The following CTDSPL variants were observed in gnomAD, a reference collection of about 807,000 sequenced individuals.
The protein encoded by CTDSPL is CTD small phosphatase like.
CTDSPL carries 8 observed loss-of-function variants against 30.5 expected under a neutral mutation model. That is an observed-to-expected ratio of 0.26 (90% confidence interval 0.15 to 0.47). The LOEUF is 0.47. Among genes scored for constraint, CTDSPL ranks in the 20% least tolerant of loss-of-function variants. The pLI is 0.99. For synonymous variants in CTDSPL, 110 were observed against 137.9 expected, an observed-to-expected ratio of 0.80 and a Z score of 1.42; for missense variants, 248 against 366.1, an observed-to-expected ratio of 0.68 and a Z score of 2.63.
chr3:37,971,546 C>A, intron 6 of CTDSPL, 47 bp downstream of exon 6: 1 of 1,512,314 alleles, frequency 6.6e-7, no homozygotes. Context: ...GTACTCCCAG[C>A]CCCTCCACCC....
chr3:37,927,101 A>G (rs1698789429), intron 1 of CTDSPL, among the ~76,000 whole-genome samples: 1 of 152,200 alleles, frequency 6.6e-6, no homozygotes, highest in Non-Finnish European at 1.5e-5. Flanking sequence ...GAATGCTGAT[A>G]TGAAGCCACA....
chr3:37,921,927 C>T (rs35367747), intron 1 of CTDSPL, among the ~76,000 whole-genome samples: 2,069 of 152,260 alleles, frequency 0.014, 13 homozygotes, highest in Non-Finnish European at 0.022. Flanking sequence ...ATAACTGGGA[C>T]AGCCCCCAAA....
chr3:37,864,065 C>T (rs1377910445), intron 1 of CTDSPL, among the ~76,000 whole-genome samples: 1 of 152,108 alleles, frequency 6.6e-6, no homozygotes. Flanking sequence ...TGTGTGCCCT[C>T]AGGGAGCGTT....
intron 1 of CTDSPL, among the ~76,000 whole-genome samples, chr3:37,932,677 G>C (rs1698868046): frequency 6.6e-6 from 1 of 152,232 alleles, no homozygotes; most frequent in Admixed American, 6.5e-5. Context: ...CTTGGCATCA[G>C]TGCTTCTATT....
intron 1 of CTDSPL, among the ~76,000 whole-genome samples, chr3:37,872,570 A>ATT (rs1559621242): frequency 1.3e-4 from 7 of 54,258 alleles, no homozygotes; most frequent in Non-Finnish European, 2.2e-4. Flanking sequence ...AAATTCTTTT[A>ATT]TCTTTTTTTT....
At chr3:37,969,512 C>G (rs764409426) in intron 5 of CTDSPL, 2 of 454,432 alleles carry the variant, frequency 4.4e-6, no homozygotes, top group Admixed American at 5.0e-5. Flanking sequence ...GGCTCAGGAC[C>G]CCCCTCTCTG....
chr3:37,960,868 T>C (rs1433340741), intron 3 of CTDSPL, among the ~76,000 whole-genome samples: 4 of 152,202 alleles, frequency 2.6e-5, no homozygotes, highest in Non-Finnish European at 5.9e-5. Context: ...TTTTTTATGC[T>C]GTGTTGCTTG....
chr3:37,911,140 C>G (rs1237175074), intron 1 of CTDSPL, among the ~76,000 whole-genome samples: 1 of 152,210 alleles, frequency 6.6e-6, no homozygotes, highest in Admixed American at 6.5e-5. Context: ...TTGCTTCCTT[C>G]AAAACAGTTC....
chr3:37,927,636 A>ATGTGTGTGTGTG (rs71094932), intron 1 of CTDSPL, among the ~76,000 whole-genome samples: 44 of 115,778 alleles, frequency 3.8e-4, no homozygotes, highest in South Asian at 1.1e-3. Context: ...AGAAAAATAT[A>ATGTGTGTGTGTG]TGTGTGTGTG....
chr3:37,921,337 C>T (rs529132546), intron 1 of CTDSPL, among the ~76,000 whole-genome samples: 9 of 152,298 alleles, frequency 5.9e-5, no homozygotes, highest in East Asian at 1.9e-4. Context: ...TTCACAGCAG[C>T]GGCCCCTGTC....
chr3:37,968,186 T>C, intron 5 of CTDSPL: 1 of 461,876 alleles, frequency 2.2e-6, no homozygotes, highest in South Asian at 1.8e-5. Flanking sequence ...ATTAACTTCC[T>C]TGTGTAATTG....
At position 37,862,349 on chromosome 3, in the gene CTDSPL, G is replaced by A; in HGVS notation, c.79+71G>A. ...CCCGCGCCGCTGGAGTTCACTGCCG[G>A]GCGCCGGCATGGGCCTGGGGGAGGG... On this transcript the variant is annotated intron_variant, in intron 1 of 7. Coordinates refer to ENST00000273179, the MANE Select transcript of CTDSPL (RefSeq NM_001008392.2). The surrounding 1 kb of genome is among the most constrained non-coding windows in gnomAD (Gnocchi z 4.3). 7.5e-7 allele frequency: 1 copy of A among 1,328,372 alleles called. No homozygotes were observed. Among genetic ancestry groups the A allele is most frequent in the Non-Finnish European group, 9.7e-7 (1 of 1,027,556 alleles). The allele number at this position is 1,328,372 out of a possible 1,614,324, so 82.3% of individuals were successfully genotyped here. A position where few individuals can be genotyped will look rare whatever the true frequency, so the allele number is the denominator to read the frequency against.
At chr3:37,927,123 C>T (rs1256259347) in intron 1 of CTDSPL, among the ~76,000 whole-genome samples, 2 of 152,022 alleles carry the variant, frequency 1.3e-5, no homozygotes, top group Non-Finnish European at 2.9e-5. Context: ...GTGGAAAATT[C>T]CACACCTGAC....
intron 1 of CTDSPL, among the ~76,000 whole-genome samples, chr3:37,910,407 G>C (rs964776293): frequency 6.6e-6 from 1 of 152,122 alleles, no homozygotes; most frequent in African/African-American, 2.4e-5. Flanking sequence ...CTTGAACCTG[G>C]GAGGCAGAGG....
In CTDSPL at chr3:37,940,430, G is replaced by T. The variant is rs145489447; in HGVS notation, c.80-6627G>T. Among the ~76,000 whole-genome samples the T allele has an allele frequency of 2.7e-5, 4 of 150,630 alleles. No individual in the cohort carries two copies. The East Asian group carries it at 7.8e-4, about 29-fold the overall frequency. ...ATAACTGAAAATTCCAGAAGGGTCT[G>T]GTTTTAATAAAACCAAGTCCTCAGA... is the stretch of plus-strand genomic sequence containing the variant. On this transcript the variant is annotated intron_variant, in intron 1 of 7. Coordinates refer to ENST00000273179, the MANE Select transcript of CTDSPL (RefSeq NM_001008392.2).
chr3:37,910,306 C>T (rs1698567515), intron 1 of CTDSPL, among the ~76,000 whole-genome samples: 2 of 152,142 alleles, frequency 1.3e-5, no homozygotes, highest in South Asian at 2.1e-4. Context: ...ATTGTGAAAC[C>T]TCGTCTCTAA....
At chr3:37,871,030 G>A (rs1355745798) in intron 1 of CTDSPL, among the ~76,000 whole-genome samples, 2 of 152,084 alleles carry the variant, frequency 1.3e-5, no homozygotes, top group Non-Finnish European at 2.9e-5. Flanking sequence ...TTGTACAAAT[G>A]TATAATTACA....
At chr3:37,897,548 A>G (rs539122971) in intron 1 of CTDSPL, among the ~76,000 whole-genome samples, 9 of 152,288 alleles carry the variant, frequency 5.9e-5, no homozygotes, top group Admixed American at 4.6e-4. Flanking sequence ...CCATCTTTCT[A>G]TTATCTCTGA....
At chr3:37,914,841 T>G (rs1156877006) in intron 1 of CTDSPL, among the ~76,000 whole-genome samples, 2 of 151,288 alleles carry the variant, frequency 1.3e-5, no homozygotes, top group Non-Finnish European at 2.9e-5. Flanking sequence ...TGTTGTTGTT[T>G]TCTGGAAGAG....
Sources: allele counts gnomAD v4.1 joint callset (sites outside exome capture counted in the v4.1 genomes callset), GRCh38; gene constraint gnomAD v4.1.1; non-coding constraint Gnocchi (gnomAD v3.1); transcripts MANE v1.5; gene names NCBI Gene and HGNC (gene_info 2026-07-23, HGNC 2026-07-21).